WWOX: variants seen among roughly 807,000 people sequenced by gnomAD.
The protein encoded by WWOX is WW domain-containing oxidoreductase.
Under a neutral mutation model 46.2 loss-of-function variants are expected in WWOX, and 69 were observed. That is an observed-to-expected ratio of 1.49 (90% CI 1.23 to 1.82). The LOEUF is 1.82. WWOX is among the 40% of genes most tolerant of loss of function. The probability of loss-of-function intolerance (pLI) is 0.00; values close to 1 mark genes in which losing one functional copy is unlikely to be tolerated. For missense variants in WWOX, 919 were observed against 542.6 expected, an observed-to-expected ratio of 1.69 and a Z score of -6.89; for synonymous variants, 359 against 202.6, an observed-to-expected ratio of 1.77 and a Z score of -6.56.
chr16:78,367,710 G>C (rs936596028), intron 5 of WWOX, among the ~76,000 whole-genome samples: 2 of 151,890 alleles, frequency 1.3e-5, no homozygotes, highest in Non-Finnish European at 2.9e-5. Flanking sequence ...GAATTGACTT[G>C]TCACAATGGA....
At chr16:78,408,965 G>C (rs2082610834) in intron 6 of WWOX, among the ~76,000 whole-genome samples, 1 of 152,162 alleles carries the variant, frequency 6.6e-6, no homozygotes, top group South Asian at 2.1e-4. Context: ...GTACAGATGA[G>C]AGCCAGCTTG....
rs183320737 is a variant in WWOX at position 78,495,921 on chromosome 16, A to G, written c.1056+63169A>G. The stretch of plus-strand genomic sequence containing the variant: ...CTAGTTAGGTAAAGAATAAAAATTA[A>G]TAAACACATTTATAGTTCTCAGAGA... On this transcript the variant is annotated intron_variant, in intron 8 of 8. Transcript: ENST00000566780. 2.0e-4 allele frequency: 31 copies of G among 152,362 alleles called. No homozygotes were observed. In the East Asian group the frequency reaches 5.4e-3, roughly 27 times the overall value. 9.4% of individuals were successfully genotyped at this position (152,362 alleles called of 1,614,324 possible).
At position 78,479,288 on chromosome 16, in the gene WWOX, TCAAGCCTTC is replaced by T. The variant is rs562018635; in HGVS notation, c.1056+46539_1056+46547del. On this transcript the variant is annotated intron_variant, in intron 8 of 8. Coordinates refer to ENST00000566780, the MANE Select transcript of WWOX (RefSeq NM_016373.4). The stretch of plus-strand genomic sequence containing the variant: ...GGATATGGATATGAATTTGTATCAG[TCAAGCCTTC>T]CAGGATCTTATTATCTAGAGAGAAA... Among the ~76,000 whole-genome samples the T allele has an allele frequency of 2.6e-5, 4 of 152,330 alleles. No individual in the cohort carries two copies. The East Asian group carries it at 7.7e-4, about 29-fold the overall frequency.
intron 8 of WWOX, among the ~76,000 whole-genome samples, chr16:79,003,308 G>C (rs1486087483): frequency 3.3e-5 from 5 of 152,074 alleles, no homozygotes; most frequent in Non-Finnish European, 5.9e-5. Flanking sequence ...CAAGGAATGG[G>C]AGGAACGGGG....
chr16:79,097,224 TA>T (rs2049094345), intron 8 of WWOX, among the ~76,000 whole-genome samples: 1 of 152,148 alleles, frequency 6.6e-6, no homozygotes, highest in African/African-American at 2.4e-5. Context: ...CTTTTCTCAA[TA>T]ATTGCATAAT....
intron 8 of WWOX, among the ~76,000 whole-genome samples, chr16:78,742,763 A>G (rs2049260201): frequency 6.6e-6 from 1 of 152,192 alleles, no homozygotes; most frequent in African/African-American, 2.4e-5. Flanking sequence ...GTGAGTTTCC[A>G]TCCATCAACT....
Position 78,888,960 on chromosome 16 carries a change from G to T in WWOX, c.1057-322648G>T, listed in dbSNP as rs565542599. ...CCAAGCCCCATAATCTCCCCCTGAT[G>T]CCCTTAGAAAGCTTCCCTGGTCAGT... On this transcript the variant is annotated intron_variant, in intron 8 of 8. Transcript: ENST00000566780. Among the ~76,000 whole-genome samples, 10 of 151,832 alleles carry T rather than the reference G, an allele frequency of 6.6e-5. No individual in the cohort carries two copies. In the South Asian group the frequency reaches 1.9e-3, roughly 28 times the overall value.
In WWOX at chr16:78,695,594, A is replaced by G. The variant is rs570310669; in HGVS notation, c.1056+262842A>G. Among the ~76,000 whole-genome samples the G allele has an allele frequency of 2.6e-5, 4 of 152,318 alleles. No individual in the cohort carries two copies. The South Asian group carries it at 8.3e-4, about 32-fold the overall frequency. On this transcript the variant is annotated intron_variant, in intron 8 of 8. Coordinates refer to ENST00000566780, the MANE Select transcript of WWOX (RefSeq NM_016373.4). ...CAGCGGGCTGGATCAGAGAGAGCAG[A>G]GCCATGCTGGCAAGTCGGAGTCTTT...
At chr16:79,138,324 C>T (rs772919735) in intron 8 of WWOX, among the ~76,000 whole-genome samples, 14 of 152,020 alleles carry the variant, frequency 9.2e-5, no homozygotes, top group Non-Finnish European at 1.9e-4. Context: ...GGCGGTGGTC[C>T]ACTTCTCAAC....
chr16:78,635,637 C>T (rs879837893), intron 8 of WWOX, among the ~76,000 whole-genome samples: 1 of 152,112 alleles, frequency 6.6e-6, no homozygotes, highest in Non-Finnish European at 1.5e-5. Flanking sequence ...GGATGAAGTG[C>T]TAAAAATGCT....
At chr16:78,702,668 A>AC (rs199640496) in intron 8 of WWOX, among the ~76,000 whole-genome samples, 2,256 of 149,188 alleles carry the variant, frequency 0.015, 26 homozygotes, top group South Asian at 0.037. Flanking sequence ...AAAAAGAACA[A>AC]AAAAAAAAAA....
At chr16:78,265,335 C>T (rs1355510515) in intron 5 of WWOX, among the ~76,000 whole-genome samples, 1 of 152,066 alleles carries the variant, frequency 6.6e-6, no homozygotes, top group Non-Finnish European at 1.5e-5. Context: ...TTATAGCAGC[C>T]TGGATGGACT....
chr16:78,694,583 A>T (rs1350812866), intron 8 of WWOX, among the ~76,000 whole-genome samples: 1 of 152,202 alleles, frequency 6.6e-6, no homozygotes, highest in Non-Finnish European at 1.5e-5. Context: ...AACACTAGAA[A>T]CACAGTAAAT....
intron 8 of WWOX, among the ~76,000 whole-genome samples, chr16:78,611,794 G>A (rs141248308): frequency 2.7e-4 from 41 of 152,224 alleles, no homozygotes; most frequent in African/African-American, 8.0e-4. Context: ...GTCAAGGAAC[G>A]TATTGTTGTC....
Position 78,772,437 on chromosome 16 carries a change from C to A in WWOX, c.1056+339685C>A, listed in dbSNP as rs114458212. On this transcript the variant is annotated intron_variant, in intron 8 of 8. Coordinates refer to ENST00000566780, the MANE Select transcript of WWOX (RefSeq NM_016373.4). ...TTCACTACTTTTTTTTTAATCCAAT[C>A]TGTCATTTGTGGACATTTAGGTTGA... is the stretch of plus-strand genomic sequence containing the variant. 8.5e-3 allele frequency among the ~76,000 whole-genome samples: 1,293 copies of A among 152,150 alleles called. 18 individuals carry two copies. The highest frequency in any genetic ancestry group is 0.03 in the African/African-American group (1,256 of 41,494).
intron 5 of WWOX, among the ~76,000 whole-genome samples, chr16:78,171,250 G>C (rs66677309): frequency 6.6e-6 from 1 of 152,100 alleles, no homozygotes; most frequent in African/African-American, 2.4e-5. Context: ...TGATATTAAG[G>C]AACGATGGGT....
chr16:78,880,167 G>A (rs1016524475), intron 8 of WWOX, among the ~76,000 whole-genome samples: 14 of 152,154 alleles, frequency 9.2e-5, no homozygotes, highest in African/African-American at 3.1e-4. Context: ...GATCAAATCA[G>A]ACATCAGAAA....
intron 8 of WWOX, among the ~76,000 whole-genome samples, chr16:78,822,080 T>C (rs906580661): frequency 1.3e-5 from 2 of 152,088 alleles, no homozygotes; most frequent in Non-Finnish European, 2.9e-5. Context: ...TCTCAGTGCA[T>C]TGGCCAGACT....
intron 8 of WWOX, among the ~76,000 whole-genome samples, chr16:78,589,435 C>T (rs1275750687): frequency 6.6e-6 from 1 of 152,062 alleles, no homozygotes; most frequent in African/African-American, 2.4e-5. Flanking sequence ...GGGCTGATGC[C>T]TTCTTTCACT....
Sources: gnomAD v4.1 joint callset for allele counts (sites outside exome capture counted in the v4.1 genomes callset) on GRCh38, gnomAD v4.1.1 for gene constraint, MANE v1.5 for transcripts, NCBI Gene and HGNC (gene_info 2026-07-23, HGNC 2026-07-21) for gene names.